RIMKLA: variants seen among roughly 807,000 people sequenced by gnomAD.
The protein encoded by RIMKLA is N-acetylaspartylglutamate synthase A.
A neutral mutation model predicts 32.7 loss-of-function variants in RIMKLA; 14 were observed. The ratio of observed to expected loss-of-function variants is 0.43; its 90% confidence interval spans 0.28 to 0.67. The LOEUF (loss-of-function observed/expected upper bound fraction) is 0.67. Among genes scored for constraint, RIMKLA ranks in the 30% least tolerant of loss-of-function variants. RIMKLA has a pLI of 0.18. For synonymous variants in RIMKLA, 176 were observed against 204.1 expected (o/e 0.86, Z 1.18); for missense variants, 410 against 519.0 (o/e 0.79, Z 2.04).
At position 42,424,017 on chromosome 1, in the gene RIMKLA, C is replaced by T. The variant is rs1346049449; in HGVS notation, c.*9043C>T. Among the ~76,000 whole-genome samples, 1 of 152,142 alleles carries T rather than the reference C, an allele frequency of 6.6e-6. No individual in the cohort carries two copies. The highest frequency in any genetic ancestry group is 6.5e-5 in the Admixed American group (1 of 15,280). On this transcript the variant is annotated 3_prime_UTR_variant, in exon 5 of 5. Coordinates refer to ENST00000431473, the MANE Select transcript of RIMKLA (RefSeq NM_173642.4). Reference sequence around the variant, plus strand: ...ACTTGTGTCACATCTAAAGGCACTCCTCTGACTAAAGAGAAGTGGCAGCTG... The same window carrying T: ...ACTTGTGTCACATCTAAAGGCACTCTTCTGACTAAAGAGAAGTGGCAGCTG...
chr1:42,401,068 T>A lies in RIMKLA; in HGVS notation c.394+1434T>A, dbSNP rs564051112. The stretch of plus-strand genomic sequence containing the variant: ...CAGATGGGGGTGGGGTGGGGGAGGA[T>A]GGTTTCAGGACGAAACTGTTCCACC... On this transcript the variant is annotated intron_variant, in intron 2 of 4. Coordinates refer to ENST00000431473, the MANE Select transcript of RIMKLA (RefSeq NM_173642.4). Among the ~76,000 whole-genome samples the A allele has an allele frequency of 3.6e-3, 554 of 152,128 alleles. 4 individuals carry two copies. The highest frequency in any genetic ancestry group is 0.013 in the African/African-American group (537 of 41,488).
rs1025937034 is a variant in RIMKLA, at chr1:42,422,946, C to CTGTGTG, written c.*7973_*7978dup. 4.8e-5 allele frequency among the ~76,000 whole-genome samples: 7 copies of CTGTGTG among 146,876 alleles called. No homozygotes were observed. The highest frequency in any genetic ancestry group is 7.7e-5 in the Non-Finnish European group (5 of 64,928). On this transcript the variant is annotated 3_prime_UTR_variant, in exon 5 of 5. Coordinates refer to ENST00000431473, the MANE Select transcript of RIMKLA (RefSeq NM_173642.4). ...GAGAGCTGAAAGCTGTTTAAAATGG[C>CTGTGTG]TGTGTGGTGCAGTAAGGGGTCTCAG...
At chr1:42,385,832 CTTTCTTTCTTTCTCTTTCTTTCTTT>C (rs1642935697) in intron 1 of RIMKLA, among the ~76,000 whole-genome samples, 10 of 73,438 alleles carry the variant, frequency 1.4e-4, no homozygotes, top group African/African-American at 1.7e-4. Flanking sequence ...TCCTTCCTTT[CTTTCTTTCTTTCTCTTTCTTTCTTT>C]CTTTCTTTCT....
chr1:42,413,658 C>G (rs560725935), intron 4 of RIMKLA, among the ~76,000 whole-genome samples: 1 of 151,948 alleles, frequency 6.6e-6, no homozygotes, highest in African/African-American at 2.4e-5. Flanking sequence ...TGAGAAATCT[C>G]TTTTTGCCTA....
At chr1:42,404,972 A>G (rs564425796) in intron 3 of RIMKLA, among the ~76,000 whole-genome samples, 1 of 152,300 alleles carries the variant, frequency 6.6e-6, no homozygotes, top group South Asian at 2.1e-4. Context: ...ATGAAACTGA[A>G]GGCCCTGTAC....
rs748440540 is a variant in RIMKLA, at chr1:42,416,807, G to T, written c.*1833G>T. The T allele has an allele frequency of 6.6e-5, 10 of 152,192 alleles. No individual in the cohort carries two copies. The highest frequency in any genetic ancestry group is 1.3e-4 in the Non-Finnish European group (9 of 68,038). The allele number at this position is 152,192 out of a possible 1,614,324, so 9.4% of individuals were successfully genotyped here. On this transcript the variant is annotated 3_prime_UTR_variant, in exon 5 of 5. Transcript: ENST00000431473. ...TTTTAAAGTATTGTAGTTAAAACCAGATCTCACCAAGTAATAGTTGTGCAA... is the reference window on the plus strand; with the variant it reads ...TTTTAAAGTATTGTAGTTAAAACCATATCTCACCAAGTAATAGTTGTGCAA...
At chr1:42,394,625 T>C (rs956675895) in intron 1 of RIMKLA, among the ~76,000 whole-genome samples, 2 of 152,256 alleles carry the variant, frequency 1.3e-5, no homozygotes, top group Non-Finnish European at 2.9e-5. Context: ...TGAGAATGGT[T>C]AAGTTTTAGA....
intron 4 of RIMKLA, among the ~76,000 whole-genome samples, chr1:42,410,637 T>C (rs985539209): frequency 5.3e-5 from 8 of 152,202 alleles, no homozygotes; most frequent in African/African-American, 1.9e-4. Flanking sequence ...ATGTTTTCCT[T>C]TTTGTATGAT....
intron 3 of RIMKLA, among the ~76,000 whole-genome samples, chr1:42,408,646 C>T (rs1643169895): frequency 6.6e-6 from 1 of 152,034 alleles, no homozygotes; most frequent in African/African-American, 2.4e-5. Context: ...GTCTTAAACT[C>T]CTGACCTGAG....
intron 1 of RIMKLA, among the ~76,000 whole-genome samples, chr1:42,391,039 A>G (rs1642996016): frequency 6.6e-6 from 1 of 152,180 alleles, no homozygotes; most frequent in African/African-American, 2.4e-5. Flanking sequence ...TGTGGGGTCA[A>G]TGCATAGCTG....
At chr1:42,404,235 T>C (rs1039788145) in intron 2 of RIMKLA, among the ~76,000 whole-genome samples, 6 of 152,216 alleles carry the variant, frequency 3.9e-5, no homozygotes, top group African/African-American at 1.4e-4. Context: ...CCACAGCCAT[T>C]GTAAAGGGAA....
chr1:42,405,397 G>T (rs1347813500), intron 3 of RIMKLA, among the ~76,000 whole-genome samples: 1 of 152,182 alleles, frequency 6.6e-6, no homozygotes, highest in Admixed American at 6.5e-5. Context: ...TCTCTGTAAG[G>T]CTTACTGTAG....
At chr1:42,399,659 C>G in intron 2 of RIMKLA, 25 bp downstream of exon 2, 2 of 1,385,470 alleles carry the variant, frequency 1.4e-6, no homozygotes, top group South Asian at 1.2e-5. Context: ...AATAGCTTCC[C>G]AAATCATGTG....
Position 42,418,517 on chromosome 1 carries a change from G to A in RIMKLA, c.*3543G>A, listed in dbSNP as rs1643269812. The A allele has an allele frequency of 6.6e-6, 1 of 152,162 alleles. No homozygotes were observed. The highest frequency in any genetic ancestry group is 1.5e-5 in the Non-Finnish European group (1 of 68,040). 9.4% of individuals were successfully genotyped at this position (152,162 alleles called of 1,614,324 possible). A position where few individuals can be genotyped will look rare whatever the true frequency, so the allele number is the denominator to read the frequency against. ...TTTTGTGAAAGAAATAAAAAATTGG[G>A]ATGATTTGGAATTCTAGTAGGAAGG... On this transcript the variant is annotated 3_prime_UTR_variant, in exon 5 of 5. Coordinates refer to ENST00000431473, the MANE Select transcript of RIMKLA (RefSeq NM_173642.4).
chr1:42,411,956 C>T (rs1301052719), intron 4 of RIMKLA, among the ~76,000 whole-genome samples: 1 of 152,188 alleles, frequency 6.6e-6, no homozygotes, highest in Admixed American at 6.5e-5. Flanking sequence ...AGGTGTCAGC[C>T]ACCACGCCCA....
chr1:42,404,384 T>C, intron 2 of RIMKLA, 127 bp from the exon 3 acceptor site: 3 of 682,418 alleles, frequency 4.4e-6, no homozygotes, highest in Admixed American at 2.1e-5. Context: ...TTGAATCAAC[T>C]GGGTTTGAAT....
At chr1:42,384,532 CATATATATGT>C (rs1298184385) in intron 1 of RIMKLA, among the ~76,000 whole-genome samples, 3 of 138,794 alleles carry the variant, frequency 2.2e-5, no homozygotes, top group Non-Finnish European at 3.1e-5. Flanking sequence ...TGTATATATA[CATATATATGT>C]ATATATATGT....
chr1:42,385,292 A>AT (rs2148382268), intron 1 of RIMKLA, among the ~76,000 whole-genome samples: 1 of 152,304 alleles, frequency 6.6e-6, no homozygotes, highest in East Asian at 1.9e-4. Flanking sequence ...ATGAGGACAG[A>AT]TTCACTAGGA....
intron 3 of RIMKLA, among the ~76,000 whole-genome samples, chr1:42,409,166 C>T (rs1203911699): frequency 3.2e-5 from 4 of 126,418 alleles, no homozygotes; most frequent in African/African-American, 9.3e-5. Flanking sequence ...CGCGCCACTG[C>T]ACTATAGCCT....
Sources: gnomAD v4.1 joint callset for allele counts (sites outside exome capture counted in the v4.1 genomes callset) on GRCh38, gnomAD v4.1.1 for gene constraint, MANE v1.5 for transcripts, NCBI Gene and HGNC (gene_info 2026-07-23, HGNC 2026-07-21) for gene names.